The following MARCHF1 variants were observed in gnomAD, a reference collection of about 807,000 sequenced individuals.
The protein encoded by MARCHF1 is E3 ubiquitin-protein ligase MARCHF1.
Under a neutral mutation model 54.2 loss-of-function variants are expected in MARCHF1, and 40 were observed. The observed-to-expected ratio is 0.74, with a 90% CI of 0.57 to 0.96. The LOEUF is 0.96. Ranked by LOEUF, MARCHF1 falls within the 40% of genes least tolerant of loss-of-function variation. MARCHF1 has a pLI of 0.00. For synonymous variants in MARCHF1, 236 were observed against 236.3 expected, an observed-to-expected ratio of 1.00 and a Z score of 0.01; for missense variants, 586 against 656.5, an observed-to-expected ratio of 0.89 and a Z score of 1.17.
intron 1 of MARCHF1, among the ~76,000 whole-genome samples, chr4:164,162,844 G>A (rs1730276211): frequency 6.6e-6 from 1 of 152,026 alleles, no homozygotes; most frequent in South Asian, 2.1e-4. Flanking sequence ...AAAAAGAGCA[G>A]GACGTATATG....
intron 2 of MARCHF1, among the ~76,000 whole-genome samples, chr4:164,023,681 AT>A: frequency 6.6e-6 from 1 of 152,358 alleles, no homozygotes; most frequent in Admixed American, 6.5e-5. Context: ...AAAAGCCAGT[AT>A]CCCCTTACCT....
At chr4:164,194,314 C>G (rs539526152) in intron 1 of MARCHF1, among the ~76,000 whole-genome samples, 6 of 152,070 alleles carry the variant, frequency 3.9e-5, no homozygotes, top group Non-Finnish European at 8.8e-5. Flanking sequence ...ATTCTAATTT[C>G]TAAAATTACT....
rs139647031 is a variant in MARCHF1 at position 164,177,830 on chromosome 4, CACAG to C, written c.-322-66172_-322-66169del. ...AGACACACACACACACACACACACA[CACAG>C]AGAGACAAAGAAAGACAGAGACAGA... On this transcript the variant is annotated intron_variant, in intron 1 of 9. Transcript: ENST00000514618. Among the ~76,000 whole-genome samples the C allele has an allele frequency of 5.9e-3, 874 of 147,412 alleles. 6 individuals carry two copies. The highest frequency in any genetic ancestry group is 1.0e-2 in the Non-Finnish European group (653 of 65,464).
At chr4:164,371,718 C>T (rs1482385799) in intron 1 of MARCHF1, among the ~76,000 whole-genome samples, 5 of 152,152 alleles carry the variant, frequency 3.3e-5, no homozygotes, top group Admixed American at 2.0e-4. Context: ...TTTGATAATA[C>T]GTTATACATT....
intron 1 of MARCHF1, among the ~76,000 whole-genome samples, chr4:164,196,097 T>C (rs1465677202): frequency 6.6e-6 from 1 of 152,214 alleles, no homozygotes; most frequent in African/African-American, 2.4e-5. Context: ...TAGTTTTTAA[T>C]TATGTTACTA....
chr4:164,079,327 T>C (rs1454087945), intron 2 of MARCHF1, among the ~76,000 whole-genome samples: 1 of 152,200 alleles, frequency 6.6e-6, no homozygotes, highest in Admixed American at 6.5e-5. Context: ...TGAAAAAGTT[T>C]GTATTTTTAG....
chr4:163,668,509 T>C (rs1743618921), intron 5 of MARCHF1, among the ~76,000 whole-genome samples: 1 of 152,084 alleles, frequency 6.6e-6, no homozygotes, highest in Non-Finnish European at 1.5e-5. Context: ...GGAGGTAGAA[T>C]GGGCAAGGAA....
intron 3 of MARCHF1, among the ~76,000 whole-genome samples, chr4:163,908,147 A>G (rs540251229): frequency 1.3e-5 from 2 of 152,194 alleles, no homozygotes; most frequent in Non-Finnish European, 1.5e-5. Flanking sequence ...AAAGAAGGTT[A>G]AAACTCAGAC....
At chr4:163,709,071 CT>C (rs975472529) in intron 4 of MARCHF1, among the ~76,000 whole-genome samples, 5 of 152,078 alleles carry the variant, frequency 3.3e-5, no homozygotes, top group African/African-American at 1.2e-4. Context: ...AATTCCATTT[CT>C]TTAAAAACAA....
chr4:164,180,660 A>G (rs1730809231), intron 1 of MARCHF1, among the ~76,000 whole-genome samples: 1 of 152,198 alleles, frequency 6.6e-6, no homozygotes, highest in South Asian at 2.1e-4. Flanking sequence ...AGACAGCTGA[A>G]TATGAGTCTG....
chr4:163,846,262 G>T (rs935188964), intron 4 of MARCHF1, among the ~76,000 whole-genome samples: 4 of 152,136 alleles, frequency 2.6e-5, no homozygotes, highest in Non-Finnish European at 5.9e-5. Flanking sequence ...TAATAAACTG[G>T]CCCACTTGCT....
intron 4 of MARCHF1, among the ~76,000 whole-genome samples, chr4:163,707,581 A>C (rs562687526): frequency 3.3e-5 from 5 of 152,146 alleles, no homozygotes; most frequent in Non-Finnish European, 7.4e-5. Context: ...TGGCAATAGG[A>C]AGAATGAATA....
intron 8 of MARCHF1, among the ~76,000 whole-genome samples, chr4:163,547,535 A>G (rs545955768): frequency 1.1e-4 from 16 of 152,138 alleles, no homozygotes; most frequent in Non-Finnish European, 2.2e-4. Context: ...TTGAGGAAAA[A>G]TCTTGAGAAC....
At chr4:164,116,669 T>A (rs548050794) in intron 1 of MARCHF1, among the ~76,000 whole-genome samples, 29 of 152,190 alleles carry the variant, frequency 1.9e-4, no homozygotes, top group African/African-American at 6.0e-4. Context: ...AGTCACATGT[T>A]GCTAGTAACT....
At chr4:164,338,903 C>T (rs767963764) in intron 1 of MARCHF1, among the ~76,000 whole-genome samples, 52 of 151,856 alleles carry the variant, frequency 3.4e-4, no homozygotes, top group Non-Finnish European at 6.2e-4. Context: ...ACCTGGGAGG[C>T]GGAGATTGCA....
intron 1 of MARCHF1, among the ~76,000 whole-genome samples, chr4:164,273,794 G>A (rs1285301375): frequency 6.6e-6 from 1 of 152,182 alleles, no homozygotes; most frequent in Non-Finnish European, 1.5e-5. Context: ...CATTGGTGGT[G>A]TTTTTAATCA....
At chr4:163,724,680 T>G (rs1045651625) in intron 4 of MARCHF1, among the ~76,000 whole-genome samples, 7 of 152,174 alleles carry the variant, frequency 4.6e-5, no homozygotes, top group African/African-American at 1.7e-4. Context: ...CCTGCCACTT[T>G]GTTTACCTAC....
intron 2 of MARCHF1, among the ~76,000 whole-genome samples, chr4:164,012,294 T>C (rs563452608): frequency 6.6e-6 from 1 of 152,010 alleles, no homozygotes. Context: ...AAAGATTCCT[T>C]CTGCTTGACA....
intron 5 of MARCHF1, among the ~76,000 whole-genome samples, chr4:163,693,741 TGA>T (rs1561023244): frequency 7.0e-6 from 1 of 143,146 alleles, no homozygotes; most frequent in East Asian, 2.3e-4. Flanking sequence ...CTATCCCTCA[TGA>T]GCTTAATAAC....
Sources: gnomAD v4.1 joint callset for allele counts (sites outside exome capture counted in the v4.1 genomes callset) on GRCh38, gnomAD v4.1.1 for gene constraint, MANE v1.5 for transcripts, NCBI Gene and HGNC (gene_info 2026-07-23, HGNC 2026-07-21) for gene names.